Variants in CCDC33 observed in about 807,000 individuals in gnomAD.
The protein encoded by CCDC33 is coiled-coil domain-containing protein 33.
A neutral mutation model predicts 91.9 loss-of-function variants in CCDC33; 94 were observed. That is an observed-to-expected ratio of 1.02 (90% CI 0.87 to 1.21). The LOEUF (loss-of-function observed/expected upper bound fraction) is 1.21, where lower values mean the gene tolerates loss of function less well. CCDC33 is among the 50% of genes most tolerant of loss of function. The probability of loss-of-function intolerance (pLI) is 0.00; values close to 1 mark genes in which losing one functional copy is unlikely to be tolerated. For missense variants in CCDC33, 940 were observed against 935.5 expected (o/e 1.00, Z -0.06); for synonymous variants, 396 against 374.5 (o/e 1.06, Z -0.66).
intron 10 of CCDC33, among the ~76,000 whole-genome samples, chr15:74,294,323 C>A: frequency 6.6e-6 from 1 of 152,080 alleles, no homozygotes; most frequent in East Asian, 1.9e-4. Flanking sequence ...CTGCATGATT[C>A]TTTGAACAAT....
intron 10 of CCDC33, among the ~76,000 whole-genome samples, chr15:74,287,928 T>G (rs956166082): frequency 5.3e-5 from 8 of 152,196 alleles, no homozygotes; most frequent in African/African-American, 1.9e-4. Flanking sequence ...CCTCTCCTCC[T>G]GCGCTGCCAT....
At chr15:74,274,929 A>G (rs1314995833) in intron 7 of CCDC33, among the ~76,000 whole-genome samples, 1 of 152,254 alleles carries the variant, frequency 6.6e-6, no homozygotes, top group Non-Finnish European at 1.5e-5. Flanking sequence ...GCTGGCACAG[A>G]GGTGCCCAGG....
intron 2 of CCDC33, among the ~76,000 whole-genome samples, chr15:74,227,307 G>A (rs1229096798): frequency 6.6e-6 from 1 of 152,162 alleles, no homozygotes; most frequent in East Asian, 1.9e-4. Flanking sequence ...TCCTTTCCCA[G>A]GGAGACTCAC....
intron 2 of CCDC33, among the ~76,000 whole-genome samples, chr15:74,251,946 T>C (rs954358002): frequency 2.0e-5 from 3 of 152,222 alleles, no homozygotes; most frequent in African/African-American, 7.2e-5. Context: ...ATTGTGTGTT[T>C]CATACAGTTT....
At chr15:74,205,847 G>T (rs11633768) in intron 1 of CCDC33, among the ~76,000 whole-genome samples, 34,213 of 152,168 alleles carry the variant, frequency 0.22, 4,075 homozygotes, top group Middle Eastern at 0.3. Flanking sequence ...GGAGGAAATG[G>T]TGAGCTTCGT....
chr15:74,268,232 C>G, intron 4 of CCDC33, 110 bp from the exon 5 acceptor site: 1 of 769,628 alleles, frequency 1.3e-6, no homozygotes, highest in South Asian at 1.4e-5. Context: ...GCTCGGAGCC[C>G]CAGCGGAGCA....
chr15:74,215,556 A>G (rs1196668178), upstream of CCDC33, among the ~76,000 whole-genome samples: 1 of 152,162 alleles, frequency 6.6e-6, no homozygotes, highest in Non-Finnish European at 1.5e-5. Flanking sequence ...TTTTTTTAAA[A>G]AGTAACTGTA....
chr15:74,239,271 A>G (rs375753578), intron 1 of CCDC33, among the ~76,000 whole-genome samples: 4 of 151,954 alleles, frequency 2.6e-5, no homozygotes, highest in African/African-American at 9.7e-5. Context: ...GTCTCCTTCC[A>G]TCTCTCTCCC....
chr15:74,313,116 CT>C (rs1567024370), intron 11 of CCDC33, among the ~76,000 whole-genome samples: 1 of 152,184 alleles, frequency 6.6e-6, no homozygotes, highest in Non-Finnish European at 1.5e-5. Context: ...TAAGAAGCCA[CT>C]TGGAAGTCTC....
At chr15:74,262,023 G>A (rs1037583964) in intron 2 of CCDC33, among the ~76,000 whole-genome samples, 4 of 151,266 alleles carry the variant, frequency 2.6e-5, no homozygotes, top group Admixed American at 6.6e-5. Context: ...CAGCCAGGCG[G>A]GGCATCGCAC....
intron 2 of CCDC33, among the ~76,000 whole-genome samples, chr15:74,225,117 CGTGTGTGTGTGTGT>C (rs3057568): frequency 1.6e-4 from 22 of 139,940 alleles, no homozygotes; most frequent in South Asian, 2.4e-4. Context: ...CTCCTGGAGG[CGTGTGTGTGTGTGT>C]GTGTGTGTGT....
chr15:74,314,239 A>G (rs2060048518), intron 11 of CCDC33, among the ~76,000 whole-genome samples: 1 of 152,196 alleles, frequency 6.6e-6, no homozygotes, highest in Non-Finnish European at 1.5e-5. Flanking sequence ...GCCTGCTCTC[A>G]CATCGACTAG....
chr15:74,207,639 C>T lies in CCDC33; in HGVS notation n.90-1749C>T, dbSNP rs7171215. 10,264 of 1,468,988 alleles carry T rather than the reference C, an allele frequency of 7.0e-3. 537 individuals are homozygous for T. The African/African-American group carries it at 0.12, about 18-fold the overall frequency. 91.0% of individuals were successfully genotyped at this position (1,468,988 alleles called of 1,614,324 possible). A position where few individuals can be genotyped will look rare whatever the true frequency, so the allele number is the denominator to read the frequency against. ...AGGTACACCCCCAACTTCGATAGCACGGAAGAGAACACGCAAGAGAGGCGT... is the reference window on the plus strand; with the variant it reads ...AGGTACACCCCCAACTTCGATAGCATGGAAGAGAACACGCAAGAGAGGCGT... On this transcript the variant is annotated intron_variant and non_coding_transcript_variant, in intron 1 of 3. Transcript: ENST00000558645.
At chr15:74,288,380 C>G (rs1461351673) in intron 10 of CCDC33, among the ~76,000 whole-genome samples, 1 of 152,240 alleles carries the variant, frequency 6.6e-6, no homozygotes, top group Non-Finnish European at 1.5e-5. Context: ...ATTGTCTCCT[C>G]TTGACAACAT....
intron 10 of CCDC33, among the ~76,000 whole-genome samples, chr15:74,291,973 G>T (rs1302269501): frequency 1.3e-5 from 2 of 152,248 alleles, no homozygotes; most frequent in East Asian, 3.8e-4. Context: ...CTGAATGCTG[G>T]GTCTGAGCTA....
chr15:74,334,862 G>T (rs907172205), intron 17 of CCDC33, 113 bp from the exon 18 acceptor site: 11 of 920,546 alleles, frequency 1.2e-5, no homozygotes, highest in Non-Finnish European at 1.8e-5. Flanking sequence ...AGCCCACATG[G>T]CCCAGAGCTT....
At position 74,249,661 on chromosome 15, in the gene CCDC33, C is replaced by T. The variant is rs1327635754; in HGVS notation, c.185+5513C>T. The stretch of plus-strand genomic sequence containing the variant: ...GGGAAAACTGTGACCCCGCAGTATT[C>T]ACCCTATGAGGAACCGGGGGAGAGA... On this transcript the variant is annotated intron_variant, in intron 2 of 18. Transcript: ENST00000398814. Among the ~76,000 whole-genome samples, 9 of 152,250 alleles carry T rather than the reference C, an allele frequency of 5.9e-5. No individual in the cohort carries two copies. In the East Asian group the frequency reaches 1.7e-3, roughly 29 times the overall value.
chr15:74,290,405 T>G (rs1359147436), intron 10 of CCDC33, among the ~76,000 whole-genome samples: 4 of 152,196 alleles, frequency 2.6e-5, no homozygotes, highest in Non-Finnish European at 5.9e-5. Flanking sequence ...CTCAAACTCC[T>G]GACCTCACGA....
At chr15:74,206,668 C>G (rs927855028) in intron 1 of CCDC33, among the ~76,000 whole-genome samples, 1 of 152,186 alleles carries the variant, frequency 6.6e-6, no homozygotes, top group Non-Finnish European at 1.5e-5. Context: ...ATGGCTTGGG[C>G]AGTCTTGCAG....
Sources: allele counts gnomAD v4.1 joint callset (sites outside exome capture counted in the v4.1 genomes callset), GRCh38; gene constraint gnomAD v4.1.1; transcripts MANE v1.5; gene names NCBI Gene and HGNC (gene_info 2026-07-23, HGNC 2026-07-21).